WWOX: variants seen among roughly 807,000 people sequenced by gnomAD.
The protein encoded by WWOX is WW domain-containing oxidoreductase.
WWOX carries 69 observed loss-of-function variants against 46.2 expected under a neutral mutation model. That is an observed-to-expected ratio of 1.49 (90% CI 1.23 to 1.82). The LOEUF is 1.82. Among genes scored for constraint, WWOX ranks in the 40% most tolerant of loss-of-function variants. The probability of loss-of-function intolerance (pLI) is 0.00; values close to 1 mark genes in which losing one functional copy is unlikely to be tolerated. For missense variants in WWOX, 919 were observed against 542.6 expected (o/e 1.69, Z -6.89); for synonymous variants, 359 against 202.6 (o/e 1.77, Z -6.56).
At chr16:78,692,876 G>C (rs993689269) in intron 8 of WWOX, among the ~76,000 whole-genome samples, 6 of 152,158 alleles carry the variant, frequency 3.9e-5, no homozygotes, top group African/African-American at 1.4e-4. Context: ...GTTGTTTATA[G>C]TAAAAACAAA....
intron 8 of WWOX, among the ~76,000 whole-genome samples, chr16:78,615,459 G>A (rs143612325): frequency 6.6e-6 from 1 of 151,928 alleles, no homozygotes; most frequent in Non-Finnish European, 1.5e-5. Context: ...GACCAGGCTG[G>A]GCAGCATAGC....
chr16:78,805,182 A>G (rs999449875), intron 8 of WWOX, among the ~76,000 whole-genome samples: 1 of 152,240 alleles, frequency 6.6e-6, no homozygotes, highest in Non-Finnish European at 1.5e-5. Context: ...TAACCAAGAA[A>G]GGAAAAGTGT....
chr16:78,204,414 C>G (rs183369660), intron 5 of WWOX, among the ~76,000 whole-genome samples: 1 of 152,210 alleles, frequency 6.6e-6, no homozygotes, highest in Non-Finnish European at 1.5e-5. Context: ...TACAAGCAAT[C>G]CAGTCACTCT....
At chr16:79,201,466 AC>A (rs2051350712) in intron 8 of WWOX, among the ~76,000 whole-genome samples, 1 of 151,916 alleles carries the variant, frequency 6.6e-6, no homozygotes, top group Non-Finnish European at 1.5e-5. Context: ...TAAAGACCTA[AC>A]TTTGCAGCAT....
intron 5 of WWOX, among the ~76,000 whole-genome samples, chr16:78,310,193 T>G (rs533135770): frequency 6.6e-6 from 1 of 152,274 alleles, no homozygotes; most frequent in South Asian, 2.1e-4. Flanking sequence ...GTAAGAACAT[T>G]TATTGTGTTT....
intron 5 of WWOX, among the ~76,000 whole-genome samples, chr16:78,354,860 G>A (rs1401228804): frequency 6.6e-6 from 1 of 152,142 alleles, no homozygotes; most frequent in Non-Finnish European, 1.5e-5. Context: ...ACAGCCAGGG[G>A]TGGTGGTGCA....
At chr16:78,645,843 C>T (rs904580629) in intron 8 of WWOX, among the ~76,000 whole-genome samples, 3 of 152,074 alleles carry the variant, frequency 2.0e-5, no homozygotes, top group Non-Finnish European at 2.9e-5. Flanking sequence ...CAGGGCTGGG[C>T]TCTGGGGGCT....
At chr16:78,418,465 A>G (rs1471336080) in intron 6 of WWOX, among the ~76,000 whole-genome samples, 4 of 152,290 alleles carry the variant, frequency 2.6e-5, no homozygotes, top group African/African-American at 9.6e-5. Flanking sequence ...TGAAGCCACT[A>G]TTACTCTGAC....
chr16:78,591,005 A>C (rs1327957196), intron 8 of WWOX, among the ~76,000 whole-genome samples: 1 of 152,072 alleles, frequency 6.6e-6, no homozygotes, highest in Non-Finnish European at 1.5e-5. Context: ...CAAGGCGCTC[A>C]ACTCACGGTG....
intron 8 of WWOX, among the ~76,000 whole-genome samples, chr16:78,456,545 A>G (rs1351414965): frequency 6.6e-6 from 1 of 152,188 alleles, no homozygotes; most frequent in Admixed American, 6.5e-5. Context: ...GATAGAGCTA[A>G]TATAGAACAA....
chr16:78,664,354 G>A (rs577674652), intron 8 of WWOX, among the ~76,000 whole-genome samples: 18 of 152,268 alleles, frequency 1.2e-4, no homozygotes, highest in Non-Finnish European at 1.8e-4. Flanking sequence ...TGTGTGCTGC[G>A]TGAGTGATGT....
intron 7 of WWOX, among the ~76,000 whole-genome samples, chr16:78,427,965 G>A (rs1452040502): frequency 6.6e-6 from 1 of 152,152 alleles, no homozygotes; most frequent in African/African-American, 2.4e-5. Flanking sequence ...CTATTTGGGA[G>A]GCTGAGGCAG....
chr16:78,771,091 G>C (rs4887983), intron 8 of WWOX, among the ~76,000 whole-genome samples: 113,217 of 152,158 alleles, frequency 0.74, 43,097 homozygotes, highest in Middle Eastern at 0.88. Context: ...AAGTAAGCCA[G>C]CTGCAACACA....
At chr16:78,821,979 C>G (rs959814983) in intron 8 of WWOX, among the ~76,000 whole-genome samples, 5 of 152,136 alleles carry the variant, frequency 3.3e-5, no homozygotes, top group African/African-American at 9.7e-5. Context: ...CAGGCTCAAG[C>G]GATCCTTCTG....
chr16:79,121,062 C>G (rs866960554), intron 8 of WWOX, among the ~76,000 whole-genome samples: 6 of 152,324 alleles, frequency 3.9e-5, no homozygotes, highest in Middle Eastern at 3.4e-3. Flanking sequence ...AGTCACCATG[C>G]CTGGCTATCT....
At chr16:78,288,874 G>T (rs2079813627) in intron 5 of WWOX, among the ~76,000 whole-genome samples, 1 of 152,060 alleles carries the variant, frequency 6.6e-6, no homozygotes, top group Non-Finnish European at 1.5e-5. Flanking sequence ...AATCCAAACA[G>T]GTTCAGGAAG....
At chr16:78,610,352 A>G (rs551350898) in intron 8 of WWOX, among the ~76,000 whole-genome samples, 1 of 152,204 alleles carries the variant, frequency 6.6e-6, no homozygotes, top group Non-Finnish European at 1.5e-5. Context: ...TTTCATTACT[A>G]TTCATGTGTA....
chr16:78,695,084 C>G (rs540020207), intron 8 of WWOX, among the ~76,000 whole-genome samples: 5 of 152,258 alleles, frequency 3.3e-5, no homozygotes, highest in Non-Finnish European at 7.4e-5. Flanking sequence ...AGACTGCCTG[C>G]TACTTTCATT....
intron 8 of WWOX, among the ~76,000 whole-genome samples, chr16:78,442,793 A>G (rs954467363): frequency 1.3e-5 from 2 of 151,870 alleles, no homozygotes; most frequent in Non-Finnish European, 2.9e-5. Context: ...CAGCCTGGTC[A>G]ACATTGCGAA....
Sources: allele counts gnomAD v4.1 joint callset (sites outside exome capture counted in the v4.1 genomes callset), GRCh38; gene constraint gnomAD v4.1.1; transcripts MANE v1.5; gene names NCBI Gene and HGNC (gene_info 2026-07-23, HGNC 2026-07-21).